WHRN: variants seen among roughly 807,000 people sequenced by gnomAD.
WHRN encodes the protein CASK-interacting protein CIP98.
Under a neutral mutation model 68.3 loss-of-function variants are expected in WHRN, and 41 were observed. That is an observed-to-expected ratio of 0.60 (90% CI 0.47 to 0.78). The LOEUF (loss-of-function observed/expected upper bound fraction) is 0.78. Among genes scored for constraint, WHRN ranks in the 30% least tolerant of loss-of-function variants. WHRN has a pLI of 0.00. For missense variants in WHRN, 1,243 were observed against 1,244.7 expected (o/e 1.00, Z 0.02); for synonymous variants, 560 against 561.3 (o/e 1.00, Z 0.03).
chr9:114,487,234 G>A (rs1329975414), intron 1 of WHRN, among the ~76,000 whole-genome samples: 1 of 146,226 alleles, frequency 6.8e-6, no homozygotes, highest in East Asian at 2.0e-4. Flanking sequence ...GTACTGTAGA[G>A]AACTCAGTAC....
intron 1 of WHRN, among the ~76,000 whole-genome samples, chr9:114,491,223 C>T (rs1034892405): frequency 9.2e-5 from 14 of 152,186 alleles, no homozygotes; most frequent in African/African-American, 3.4e-4. Flanking sequence ...CATCCCTGTG[C>T]CTCATCACTT....
rs755040191 is a variant in WHRN at position 114,424,967 on chromosome 9, AC to A, written c.1203+20del. On this transcript the variant is annotated intron_variant, in intron 5 of 11. Transcript: ENST00000362057. ...AGGGAGCTGTGAGGAAGCAGAGAAT[AC>A]CCCTTAGAGGATGTCCTACCTTGTT... is the stretch of plus-strand genomic sequence containing the variant. The A allele has an allele frequency of 2.1e-5, 33 of 1,609,544 alleles. No individual in the cohort carries two copies. The highest frequency in any genetic ancestry group is 2.7e-5 in the Non-Finnish European group (32 of 1,179,434).
intron 1 of WHRN, among the ~76,000 whole-genome samples, chr9:114,498,686 T>C (rs1267895720): frequency 1.3e-5 from 2 of 152,162 alleles, no homozygotes; most frequent in Non-Finnish European, 2.9e-5. Flanking sequence ...AAATGTGACA[T>C]CTGCCACACT....
chr9:114,449,056 A>T (rs2132681531), intron 3 of WHRN, among the ~76,000 whole-genome samples: 1 of 152,316 alleles, frequency 6.6e-6, no homozygotes, highest in Non-Finnish European at 1.5e-5. Flanking sequence ...TACCTCTCCC[A>T]AAGCCCTTCA....
intron 3 of WHRN, among the ~76,000 whole-genome samples, chr9:114,444,034 AC>A (rs1589148559): frequency 6.6e-6 from 1 of 152,146 alleles, no homozygotes; most frequent in East Asian, 1.9e-4. Flanking sequence ...TCCCCCCACC[AC>A]CCGGTTCAAT....
At position 114,478,890 on chromosome 9, in the gene WHRN, C is replaced by T. The variant is rs1160213755; in HGVS notation, c.619-119G>A. On this transcript the variant is annotated intron_variant, in intron 1 of 11. Coordinates refer to ENST00000362057, the MANE Select transcript of WHRN (RefSeq NM_015404.4). Reference sequence around the variant, plus strand: ...AGCCCCACATGGAAGAAGAGGCCAGCCCTGAAGTCCCTTTCCTTCTCTAGC... The same window carrying T: ...AGCCCCACATGGAAGAAGAGGCCAGTCCTGAAGTCCCTTTCCTTCTCTAGC... 3 of 905,556 alleles carry T rather than the reference C, an allele frequency of 3.3e-6. No homozygotes were observed. In the East Asian group the frequency reaches 7.9e-5, roughly 24 times the overall value. 56.1% of individuals were successfully genotyped at this position (905,556 alleles called of 1,614,324 possible).
chr9:114,478,009 G>C (rs1420214725), intron 2 of WHRN, among the ~76,000 whole-genome samples: 1 of 152,146 alleles, frequency 6.6e-6, no homozygotes, highest in African/African-American at 2.4e-5. Flanking sequence ...CAAGACCCTG[G>C]GGGATGGAAG....
At chr9:114,459,262 A>G (rs986426771) in intron 3 of WHRN, among the ~76,000 whole-genome samples, 1 of 151,732 alleles carries the variant, frequency 6.6e-6, no homozygotes, top group African/African-American at 2.4e-5. Flanking sequence ...GTTTGAGACC[A>G]GCCTGGCCAA....
chr9:114,453,232 G>A (rs145345708), intron 3 of WHRN, among the ~76,000 whole-genome samples: 1 of 152,298 alleles, frequency 6.6e-6, no homozygotes, highest in African/African-American at 2.4e-5. Flanking sequence ...GTCACAAGGT[G>A]AGAGAAGGAG....
intron 3 of WHRN, among the ~76,000 whole-genome samples, chr9:114,451,927 C>T (rs537622591): frequency 6.6e-6 from 1 of 152,292 alleles, no homozygotes; most frequent in South Asian, 2.1e-4. Flanking sequence ...AGCCTCCTTG[C>T]AGGGATGCTG....
intron 3 of WHRN, among the ~76,000 whole-genome samples, chr9:114,428,497 C>T (rs960675581): frequency 6.6e-6 from 1 of 152,192 alleles, no homozygotes; most frequent in African/African-American, 2.4e-5. Flanking sequence ...CATAGCTCTC[C>T]ATTTCACTAG....
At chr9:114,494,338 A>G (rs1843266694) in intron 1 of WHRN, among the ~76,000 whole-genome samples, 1 of 152,262 alleles carries the variant, frequency 6.6e-6, no homozygotes, top group African/African-American at 2.4e-5. Context: ...GTTCAGACCA[A>G]TAGATGCACC....
chr9:114,407,295 G>A (rs768317126), intron 8 of WHRN, among the ~76,000 whole-genome samples: 1 of 152,218 alleles, frequency 6.6e-6, no homozygotes, highest in African/African-American at 2.4e-5. Context: ...ACTGGAGAGA[G>A]AATGGACAGG....
chr9:114,488,899 T>C lies in WHRN; in HGVS notation c.619-10128A>G, dbSNP rs146370330. ...CTGCAGAGCAACCAGAGAATCCTTA[T>C]AAAACATACGTGGACTCTGACCCTT... On this transcript the variant is annotated intron_variant, in intron 1 of 11. Coordinates refer to ENST00000362057, the MANE Select transcript of WHRN (RefSeq NM_015404.4). 6.5e-3 allele frequency among the ~76,000 whole-genome samples: 991 copies of C among 152,258 alleles called. 11 individuals are homozygous for C. Among genetic ancestry groups the C allele is most frequent in the African/African-American group, 0.022 (923 of 41,558 alleles).
At chr9:114,430,419 G>A (rs1235401566) in intron 3 of WHRN, among the ~76,000 whole-genome samples, 1 of 152,210 alleles carries the variant, frequency 6.6e-6, no homozygotes, top group East Asian at 1.9e-4. Flanking sequence ...AGCATCCTGT[G>A]TTTTTATTAC....
At chr9:114,424,884 T>C (rs1836675806) in intron 5 of WHRN, 104 bp downstream of exon 5, 4 of 1,278,506 alleles carry the variant, frequency 3.1e-6, no homozygotes, top group Non-Finnish European at 4.5e-6. Context: ...GGCTGCCCAG[T>C]TGGAATGAGG....
chr9:114,456,393 C>G, intron 3 of WHRN, among the ~76,000 whole-genome samples: 1 of 88,554 alleles, frequency 1.1e-5, no homozygotes, highest in South Asian at 5.4e-4. Flanking sequence ...CATAACCACA[C>G]TGCAAGGGGA....
chr9:114,408,061 G>A, intron 7 of WHRN, 43 bp from the exon 8 acceptor site: 1 of 1,518,278 alleles, frequency 6.6e-7, no homozygotes, highest in Non-Finnish European at 9.0e-7. Flanking sequence ...CAGAAGCTGA[G>A]AAGGGAACAC....
chr9:114,486,887 TGTGTGTGTGTGTGTGTGTAGA>T (rs1180785280), intron 1 of WHRN, among the ~76,000 whole-genome samples: 36 of 34,948 alleles, frequency 1.0e-3, no homozygotes, highest in African/African-American at 5.0e-3. Context: ...ATTAAATTAG[TGTGTGTGTGTGTGTGTGTAGA>T]GTGTGTGTGT....
Sources: allele counts gnomAD v4.1 joint callset (sites outside exome capture counted in the v4.1 genomes callset), GRCh38; gene constraint gnomAD v4.1.1; transcripts MANE v1.5; gene names NCBI Gene and HGNC (gene_info 2026-07-23, HGNC 2026-07-21).